The following SPTBN5 variants were observed in gnomAD, a reference collection of about 807,000 sequenced individuals.
The protein encoded by SPTBN5 is spectrin beta, non-erythrocytic 5.
A neutral mutation model predicts 477.6 loss-of-function variants in SPTBN5; 513 were observed. The observed-to-expected ratio is 1.07, with a 90% CI of 1.00 to 1.16. SPTBN5 has a LOEUF of 1.16. SPTBN5 is among the 50% of genes most tolerant of loss of function. The probability of loss-of-function intolerance (pLI) is 0.00; values close to 1 mark genes in which losing one functional copy is unlikely to be tolerated. For synonymous variants in SPTBN5, 2,169 were observed against 2,011.7 expected (o/e 1.08, Z -2.09); for missense variants, 5,062 against 4,731.8 (o/e 1.07, Z -2.05).
intron 38 of SPTBN5, 43 bp from the exon 39 acceptor site, chr15:41,865,946 C>G (rs747630012): frequency 1.3e-6 from 2 of 1,548,180 alleles, no homozygotes; most frequent in Non-Finnish European, 1.7e-6. Flanking sequence ...TGAGCACCAG[C>G]CCAGGCTCCT....
At chr15:41,878,176 C>T (rs2066811092) in intron 17 of SPTBN5, among the ~76,000 whole-genome samples, 166 bp downstream of exon 17, 2 of 152,202 alleles carry the variant, frequency 1.3e-5, no homozygotes, top group Non-Finnish European at 2.9e-5. Context: ...AGATTATATC[C>T]TCCTCTGTGT....
chr15:41,851,581 T>TGGCGGGGGGGGGGGGGGGAGG (rs138547502), intron 63 of SPTBN5, among the ~76,000 whole-genome samples, 198 bp downstream of exon 63: 1 of 119,992 alleles, frequency 8.3e-6, no homozygotes, highest in African/African-American at 3.4e-5. Flanking sequence ...CAGCACCTCC[T>TGGCGGGGGGGGGGGGGGGAGG]GGTGGGGGTG....
chr15:41,873,347 G>A, intron 26 of SPTBN5, 145 bp downstream of exon 26: 1 of 648,556 alleles, frequency 1.5e-6, no homozygotes, highest in Non-Finnish European at 2.7e-6. Context: ...TGTGGGATCT[G>A]GGTGGGAAGT....
Position 41,852,733 on chromosome 15 carries a change from G to A in SPTBN5, c.10350C>T (p.His3450=), listed in dbSNP as rs755498095. The A allele has an allele frequency of 4.9e-5, 79 of 1,612,988 alleles. No individual in the cohort carries two copies. The highest frequency in any genetic ancestry group is 5.8e-5 in the Non-Finnish European group (68 of 1,179,766). ...GCAGCAACTCCACATCTGACACTGA[G>A]TGCTGGGGAGAAGCATGTTCAGGTG... ...EGLLLKPDYG[H]SVSDVELLLH... is the part of the protein sequence containing the mutation. Residue 3450 remains histidine (H), a splice_region_variant and synonymous_variant, in exon 61 of 68, where the codon CAC becomes CAT. Coordinates refer to ENST00000320955, the MANE Select transcript of SPTBN5 (RefSeq NM_016642.4).
rs72724193 is a variant in SPTBN5, at chr15:41,862,785, C to T, written c.7263+5G>A. The T allele has an allele frequency of 8.7e-4, 1,367 of 1,563,192 alleles. 5 individuals carry two copies. Among genetic ancestry groups the T allele is most frequent in the Middle Eastern group, 5.5e-3 (33 of 6,012 alleles). On this transcript the variant is annotated splice_donor_5th_base_variant and intron_variant, in intron 42 of 67. Coordinates refer to ENST00000320955, the MANE Select transcript of SPTBN5 (RefSeq NM_016642.4). ...CTGGGCCCAGCTCTACAGCCAGCTA[C>T]GCACCTCCACCTGGGCCTGGATGGG...
At chr15:41,891,436 G>C (rs934654620) in intron 3 of SPTBN5, among the ~76,000 whole-genome samples, 2 of 152,196 alleles carry the variant, frequency 1.3e-5, no homozygotes, top group African/African-American at 4.8e-5. Context: ...CCTTGGCTTA[G>C]AGTTGGAGCC....
At position 41,857,553 on chromosome 15, in the gene SPTBN5, C is replaced by A; in HGVS notation, c.8364+20G>T. 3 of 1,606,272 alleles carry A rather than the reference C, an allele frequency of 1.9e-6. No homozygotes were observed. The highest frequency in any genetic ancestry group is 2.6e-6 in the Non-Finnish European group (3 of 1,175,198). The stretch of plus-strand genomic sequence containing the variant: ...TGTCCTGGAGCCCGGCCAGCCACCC[C>A]TCGGCCTGCACAACCTCACCTCACA... On this transcript the variant is annotated intron_variant, in intron 50 of 67. Transcript: ENST00000320955.
At chr15:41,874,807 A>G in intron 23 of SPTBN5, 35 bp downstream of exon 23, 3 of 1,574,012 alleles carry the variant, frequency 1.9e-6, no homozygotes, top group Non-Finnish European at 2.6e-6. Flanking sequence ...CACATGGAGG[A>G]GTGACACACA....
chr15:41,868,484 C>G lies in SPTBN5; in HGVS notation c.5971G>C (p.Glu1991Gln). ...CACAGCTTCTCCCGGGCCTCCAGCT[C>G]CGCCCGGAGCCACTGGTGGGCACTG... is the stretch of plus-strand genomic sequence containing the variant. The part of the protein sequence containing the change: ...KLSAHQWLRA[E>Q]LEAREKLWQQ... Residue 1991 changes from glutamate to glutamine, a missense_variant, in exon 33 of 68, where the codon GAG becomes CAG. Coordinates refer to ENST00000320955, the MANE Select transcript of SPTBN5 (RefSeq NM_016642.4). The G allele has an allele frequency of 6.2e-7, 1 of 1,611,420 alleles. No individual in the cohort carries two copies. Among genetic ancestry groups the G allele is most frequent in the Non-Finnish European group, 8.5e-7 (1 of 1,179,540 alleles).
At chr15:41,852,099 C>CCCT in intron 62 of SPTBN5, 83 bp downstream of exon 62, 1 of 1,474,196 alleles carries the variant, frequency 6.8e-7, no homozygotes, top group Non-Finnish European at 9.1e-7. Flanking sequence ...AGGGTGTGGG[C>CCCT]CCTCACCCCC....
Position 41,892,979 on chromosome 15 carries a change from T to C in SPTBN5, c.299A>G (p.Glu100Gly). 1 of 1,609,392 alleles carries C rather than the reference T, an allele frequency of 6.2e-7. No homozygotes were observed. Among genetic ancestry groups the C allele is most frequent in the Non-Finnish European group, 8.5e-7 (1 of 1,179,628 alleles). Residue 100 changes from glutamate (E) to glycine (G), a missense_variant, in exon 3 of 68, where the codon GAG becomes GGG. Physicochemically the swap from Glu to Gly is moderately conservative, Grantham distance 98. Coordinates refer to ENST00000320955, the MANE Select transcript of SPTBN5 (RefSeq NM_016642.4). ...LLRLLELISG[E>G]ALPPPSRGRL... Reference sequence around the variant, plus strand: ...GCCCCGGCTCGGGGGTGGCAGGGCCTCCCCTGAGATGAGCTCCAGCAGCCG... The same window carrying C: ...GCCCCGGCTCGGGGGTGGCAGGGCCCCCCCTGAGATGAGCTCCAGCAGCCG...
At chr15:41,877,534 T>TTGG (rs1218902472) in intron 17 of SPTBN5, among the ~76,000 whole-genome samples, 178 bp from the exon 18 acceptor site, 9 of 152,152 alleles carry the variant, frequency 5.9e-5, no homozygotes, top group Non-Finnish European at 1.0e-4. Context: ...CAGCCGGCCG[T>TTGG]CCTTAAGTGT....
At position 41,861,085 on chromosome 15, in the gene SPTBN5, C is replaced by T. The variant is rs188074762; in HGVS notation, c.7816-327G>A. 3.9e-5 allele frequency among the ~76,000 whole-genome samples: 6 copies of T among 152,352 alleles called. No homozygotes were observed. The East Asian group carries it at 5.8e-4, about 15-fold the overall frequency. On this transcript the variant is annotated intron_variant, in intron 46 of 67. Transcript: ENST00000320955. ...TCTGAGGTCTCCTATAAGTTACACTCGTCTGCTTCAGGGTTGGGGCAGTGG... is the reference window on the plus strand; with the variant it reads ...TCTGAGGTCTCCTATAAGTTACACTTGTCTGCTTCAGGGTTGGGGCAGTGG...
Position 41,848,547 on chromosome 15 carries a change from T to A in SPTBN5, c.*69A>T. 3 of 1,595,214 alleles carry A rather than the reference T, an allele frequency of 1.9e-6. No individual in the cohort carries two copies. Among genetic ancestry groups the A allele is most frequent in the Non-Finnish European group, 2.6e-6 (3 of 1,162,964 alleles). Reference sequence around the variant, plus strand: ...AGGAGCCCTTTTGCCTGTAGCTGAGTCTTATTCTGGTCCCTTAGATGTGTC... The same window carrying A: ...AGGAGCCCTTTTGCCTGTAGCTGAGACTTATTCTGGTCCCTTAGATGTGTC... On this transcript the variant is annotated 3_prime_UTR_variant, in exon 68 of 68. Coordinates refer to ENST00000320955, the MANE Select transcript of SPTBN5 (RefSeq NM_016642.4).
In SPTBN5 at chr15:41,868,097, C is replaced by A. The variant is rs371700757; in HGVS notation, c.6179G>T (p.Arg2060Leu). The stretch of plus-strand genomic sequence containing the variant: ...CTGGGCCGCGAGGATCTCCTCCAGG[C>A]GGCCGCACTCTCTGAGGAAGAGCTG... The part of the protein sequence containing the change: ...QEQLFLRECG[R>L]LEEILAAQEV... Residue 2060 changes from arginine (R) to leucine (L), a missense_variant, in exon 34 of 68, where the codon CGC becomes CTC. Transcript: ENST00000320955. 2 of 1,603,512 alleles carry A rather than the reference C, an allele frequency of 1.2e-6. No homozygotes were observed. Among genetic ancestry groups the A allele is most frequent in the Non-Finnish European group, 8.5e-7 (1 of 1,177,172 alleles).
At chr15:41,867,284 T>C (rs973238042) in intron 35 of SPTBN5, among the ~76,000 whole-genome samples, 158 bp from the exon 36 acceptor site, 4 of 152,136 alleles carry the variant, frequency 2.6e-5, no homozygotes, top group Non-Finnish European at 4.4e-5. Flanking sequence ...GCCAGACCAG[T>C]CTGCTCCCCA....
At position 41,869,946 on chromosome 15, in the gene SPTBN5, C is replaced by T; in HGVS notation, c.5748G>A (p.Gln1916=). The change falls in exon 32 of 68, where the codon CAG becomes CAA. Residue 1916 remains glutamine, a synonymous_variant. Coordinates refer to ENST00000320955, the MANE Select transcript of SPTBN5 (RefSeq NM_016642.4). ...CPGPQAHAVQ[Q]RQQAVTQAWA... The stretch of plus-strand genomic sequence containing the variant: ...ACGCCTGCGTCACAGCTTGCTGCCT[C>T]TGCTGCACCGCATGGGCCTGAGGCC... 2 of 1,555,488 alleles carry T rather than the reference C, an allele frequency of 1.3e-6. No homozygotes were observed. The highest frequency in any genetic ancestry group is 1.7e-6 in the Non-Finnish European group (2 of 1,148,246).
chr15:41,870,500 G>T lies in SPTBN5; in HGVS notation c.5508C>A (p.Thr1836=). The part of the protein sequence containing the change: ...TQARGHALRD[T]ETTLRVHRDL... ...CTCTGTGAACTCTGAGGGTGGTCTC[G>T]GTGTCTCGGAGCGCGTGGCCTCGGG... Residue 1836 remains threonine, a synonymous_variant, in exon 30 of 68, where the codon ACC becomes ACA. Transcript: ENST00000320955. 6.2e-7 allele frequency: 1 copy of T among 1,613,134 alleles called. No homozygotes were observed.
rs753811197 is a variant in SPTBN5 at position 41,892,949 on chromosome 15, A to C, written c.329T>G (p.Leu110Arg). The C allele has an allele frequency of 2.7e-5, 44 of 1,608,580 alleles. No homozygotes were observed. Among genetic ancestry groups the C allele is most frequent in the Non-Finnish European group, 3.5e-5 (41 of 1,179,700 alleles). ...GCTGTTCTCCAGGAAGTGCACACGC[A>C]GGCGGCCCCGGCTCGGGGGTGGCAG... ...EALPPPSRGR[L>R]RVHFLENSSR... The change falls in exon 3 of 68, where the codon CTG becomes CGG. Residue 110 changes from leucine (L) to arginine (R), a missense_variant. Coordinates refer to ENST00000320955, the MANE Select transcript of SPTBN5 (RefSeq NM_016642.4).
Sources: gnomAD v4.1 joint callset for allele counts (sites outside exome capture counted in the v4.1 genomes callset) on GRCh38, gnomAD v4.1.1 for gene constraint, MANE v1.5 for transcripts, NCBI Gene and HGNC (gene_info 2026-07-23, HGNC 2026-07-21) for gene names.